SOX6: variants seen among roughly 807,000 people sequenced by gnomAD.
SOX6 encodes SRY-box transcription factor 6.
In SOX6, 11 loss-of-function variants were observed where a neutral mutation model predicts 97.8. The observed-to-expected ratio is 0.11, with a 90% confidence interval of 0.07 to 0.19. The LOEUF (loss-of-function observed/expected upper bound fraction) is 0.19. Ranked by LOEUF, SOX6 falls within the 10% of genes least tolerant of loss-of-function variation. The pLI is 1.00. For synonymous variants in SOX6, 360 were observed against 371.4 expected (o/e 0.97, Z 0.35); for missense variants, 810 against 1,039.5 (o/e 0.78, Z 3.04).
At chr11:16,492,765 C>T (rs182416705) in intron 4 of SOX6, among the ~76,000 whole-genome samples, 12 of 152,154 alleles carry the variant, frequency 7.9e-5, no homozygotes, top group Admixed American at 2.0e-4. Flanking sequence ...TGTATTAAAA[C>T]GCCTACAAAT....
intron 3 of SOX6, among the ~76,000 whole-genome samples, chr11:16,241,308 G>A (rs1156425216): frequency 2.6e-5 from 4 of 152,000 alleles, no homozygotes; most frequent in Middle Eastern, 3.4e-3. Context: ...GTTTTTCACT[G>A]TATCTTATTG....
chr11:16,149,173 TA>T (rs1850394660), intron 6 of SOX6, among the ~76,000 whole-genome samples: 2 of 152,176 alleles, frequency 1.3e-5, no homozygotes, highest in South Asian at 4.1e-4. Context: ...ACACATTTTT[TA>T]ATATACAAAT....
chr11:16,013,083 G>A (rs16932445), intron 13 of SOX6, among the ~76,000 whole-genome samples: 13,892 of 151,828 alleles, frequency 0.091, 1,310 homozygotes, highest in East Asian at 0.36. Context: ...CACTAACTAG[G>A]TAATGACATT....
At chr11:16,333,658 G>A (rs1286649679) in intron 2 of SOX6, among the ~76,000 whole-genome samples, 1 of 151,898 alleles carries the variant, frequency 6.6e-6, no homozygotes, top group Non-Finnish European at 1.5e-5. Flanking sequence ...TAAAAGCTGA[G>A]TAGAACAGTC....
chr11:16,638,870 A>G (rs895244369), intron 3 of SOX6, among the ~76,000 whole-genome samples: 3 of 152,006 alleles, frequency 2.0e-5, no homozygotes, highest in Non-Finnish European at 2.9e-5. Flanking sequence ...TCTGTAGGTT[A>G]CCTGTTCACT....
chr11:16,127,366 T>C (rs1295107212), intron 6 of SOX6, among the ~76,000 whole-genome samples: 1 of 152,070 alleles, frequency 6.6e-6, no homozygotes, highest in Non-Finnish European at 1.5e-5. Context: ...CTGAATATAC[T>C]GTGTATACAT....
intron 12 of SOX6, among the ~76,000 whole-genome samples, chr11:16,032,267 C>T (rs1855397917): frequency 1.3e-5 from 2 of 152,114 alleles, no homozygotes; most frequent in Admixed American, 6.5e-5. Context: ...GGTATTTGAA[C>T]CTAGAGTTAC....
chr11:16,292,868 G>A (rs34281980), intron 3 of SOX6, among the ~76,000 whole-genome samples: 18,307 of 152,140 alleles, frequency 0.12, 1,514 homozygotes, highest in Middle Eastern at 0.2. Flanking sequence ...ATAGTTTAAC[G>A]CTCGGTGCTT....
chr11:16,350,031 T>C (rs1856896444), intron 1 of SOX6, among the ~76,000 whole-genome samples: 1 of 152,102 alleles, frequency 6.6e-6, no homozygotes, highest in African/African-American at 2.4e-5. Flanking sequence ...TAGACCAGTT[T>C]AGCAAAAAAG....
chr11:16,243,552 C>A (rs1163559874), intron 3 of SOX6, among the ~76,000 whole-genome samples: 2 of 151,486 alleles, frequency 1.3e-5, no homozygotes, highest in African/African-American at 4.8e-5. Context: ...ATAAAATGCG[C>A]CCATTTAAAA....
At chr11:16,104,841 G>A (rs780368520) in intron 7 of SOX6, among the ~76,000 whole-genome samples, 3 of 151,980 alleles carry the variant, frequency 2.0e-5, no homozygotes, top group Non-Finnish European at 2.9e-5. Flanking sequence ...CCCAACTCAA[G>A]AAGAAATAGA....
At chr11:16,281,294 T>C (rs1463533747) in intron 3 of SOX6, among the ~76,000 whole-genome samples, 2 of 152,058 alleles carry the variant, frequency 1.3e-5, no homozygotes, top group East Asian at 3.9e-4. Flanking sequence ...ATTGCTACCC[T>C]GCCTGCATGC....
intron 9 of SOX6, among the ~76,000 whole-genome samples, chr11:16,066,287 C>T (rs1014415318): frequency 1.3e-5 from 2 of 151,974 alleles, no homozygotes; most frequent in African/African-American, 4.8e-5. Flanking sequence ...CATGGGAATC[C>T]CTGTACACTG....
intron 4 of SOX6, 125 bp from the exon 5 acceptor site, chr11:16,187,080 G>A (rs2134106805): frequency 2.0e-6 from 2 of 1,002,194 alleles, no homozygotes; most frequent in East Asian, 4.8e-5. Flanking sequence ...ATGACTGGAG[G>A]CCATTGAGGG....
chr11:16,050,580 T>C (rs2133914455), intron 10 of SOX6, among the ~76,000 whole-genome samples: 1 of 152,336 alleles, frequency 6.6e-6, no homozygotes, highest in Admixed American at 6.5e-5. Context: ...ACACATACTA[T>C]GCTATATGCA....
intron 2 of SOX6, among the ~76,000 whole-genome samples, chr11:16,736,072 G>A (rs1287902797): frequency 6.6e-6 from 1 of 152,116 alleles, no homozygotes; most frequent in Non-Finnish European, 1.5e-5. Flanking sequence ...GAACATTGCT[G>A]AGTTTCTAGG....
intron 3 of SOX6, among the ~76,000 whole-genome samples, chr11:16,302,448 G>A (rs765017789): frequency 1.3e-5 from 2 of 149,968 alleles, no homozygotes; most frequent in Non-Finnish European, 2.9e-5. Flanking sequence ...TATATCTCTT[G>A]TTCACTATGA....
chr11:16,370,416 A>T (rs1361441578), intron 1 of SOX6, among the ~76,000 whole-genome samples: 1 of 152,210 alleles, frequency 6.6e-6, no homozygotes, highest in African/African-American at 2.4e-5. Flanking sequence ...TGACAGCAGA[A>T]TAAATTTATA....
chr11:16,593,117 T>C (rs1261224031), intron 4 of SOX6, among the ~76,000 whole-genome samples: 1 of 151,816 alleles, frequency 6.6e-6, no homozygotes, highest in African/African-American at 2.4e-5. Context: ...TATCTGCCTA[T>C]AAAGATTACC....
Sources: allele counts gnomAD v4.1 joint callset (sites outside exome capture counted in the v4.1 genomes callset), GRCh38; gene constraint gnomAD v4.1.1; transcripts MANE v1.5; gene names NCBI Gene and HGNC (gene_info 2026-07-23, HGNC 2026-07-21).